TUBGCP3: variants seen among roughly 807,000 people sequenced by gnomAD.
TUBGCP3 encodes tubulin gamma complex component 3, also known as gamma-tubulin complex component 3.
Under a neutral mutation model 123.1 loss-of-function variants are expected in TUBGCP3, and 50 were observed. The ratio of observed to expected loss-of-function variants is 0.41; its 90% confidence interval spans 0.32 to 0.51. TUBGCP3 has a LOEUF of 0.51. Ranked by LOEUF, TUBGCP3 falls within the 20% of genes least tolerant of loss-of-function variation. The pLI is 0.36. For missense variants in TUBGCP3, 882 were observed against 1,127.0 expected (o/e 0.78, Z 3.11); for synonymous variants, 405 against 413.9 (o/e 0.98, Z 0.26).
chr13:112,504,773 T>C, intron 17 of TUBGCP3, 59 bp from the exon 18 acceptor site: 1 of 1,357,174 alleles, frequency 7.4e-7, no homozygotes, highest in Non-Finnish European at 1.0e-6. Context: ...GACAACGCGC[T>C]GTTCTCCCTT....
At chr13:112,498,700 C>A in intron 20 of TUBGCP3, 2 of 1,406,538 alleles carry the variant, frequency 1.4e-6, no homozygotes, top group African/African-American at 1.4e-5. Flanking sequence ...GCACGATCCA[C>A]AAGCTTCAAA....
chr13:112,529,044 G>C (rs1019690367), intron 11 of TUBGCP3, among the ~76,000 whole-genome samples: 1 of 151,716 alleles, frequency 6.6e-6, no homozygotes, highest in African/African-American at 2.4e-5. Context: ...GTAGAGACAG[G>C]GTTTCACCAT....
At chr13:112,558,693 A>G (rs968858602) in intron 4 of TUBGCP3, among the ~76,000 whole-genome samples, 6 of 152,246 alleles carry the variant, frequency 3.9e-5, no homozygotes, top group African/African-American at 1.4e-4. Context: ...TTTTAAAGTT[A>G]GGCATTATTA....
chr13:112,586,240 C>CA (rs200394126), intron 1 of TUBGCP3, among the ~76,000 whole-genome samples: 145 of 113,716 alleles, frequency 1.3e-3, no homozygotes, highest in Admixed American at 2.2e-3. Context: ...GACTCTGTCT[C>CA]AAAAAAAAAA....
intron 1 of TUBGCP3, among the ~76,000 whole-genome samples, chr13:112,580,431 C>G (rs777600731): frequency 6.6e-6 from 1 of 151,442 alleles, no homozygotes; most frequent in Admixed American, 6.6e-5. Flanking sequence ...CAGGAGTTTG[C>G]GACCAGCCTG....
At chr13:112,496,699 A>C (rs1880548031) in intron 20 of TUBGCP3, among the ~76,000 whole-genome samples, 1 of 152,132 alleles carries the variant, frequency 6.6e-6, no homozygotes, top group African/African-American at 2.4e-5. Flanking sequence ...TAAAATCCGA[A>C]GGAGTGGCCG....
chr13:112,492,947 G>T (rs1268948298), intron 20 of TUBGCP3, among the ~76,000 whole-genome samples: 1 of 150,488 alleles, frequency 6.6e-6, no homozygotes, highest in Non-Finnish European at 1.5e-5. Flanking sequence ...TGGGAACGGG[G>T]CCTGGTGTGC....
At position 112,583,876 on chromosome 13, in the gene TUBGCP3, A is replaced by G. The variant is rs114812763; in HGVS notation, c.76+4029T>C. Reference sequence around the variant, plus strand: ...ACATACACTAGCCACCCTTGACTCCAGATGCAAGTCAGAGTAACTTATCAC... The same window carrying G: ...ACATACACTAGCCACCCTTGACTCCGGATGCAAGTCAGAGTAACTTATCAC... On this transcript the variant is annotated intron_variant, in intron 1 of 21. Coordinates refer to ENST00000261965, the MANE Select transcript of TUBGCP3 (RefSeq NM_006322.6). 3.2e-3 allele frequency among the ~76,000 whole-genome samples: 488 copies of G among 152,346 alleles called. 1 individual carries two copies. Among genetic ancestry groups the G allele is most frequent in the African/African-American group, 0.011 (450 of 41,594 alleles).
chr13:112,587,826 C>T, intron 1 of TUBGCP3, 79 bp downstream of exon 1: 1 of 1,302,382 alleles, frequency 7.7e-7, no homozygotes, highest in East Asian at 2.9e-5. Context: ...CCTCCAGCCC[C>T]GGAACGTATT....
chr13:112,599,792 T>A, the TUBGCP3 span, among the ~76,000 whole-genome samples: 1 of 152,332 alleles, frequency 6.6e-6, no homozygotes, highest in South Asian at 2.1e-4. Context: ...GTGCTGGGAT[T>A]ACAGGCATGA....
In TUBGCP3 at chr13:112,565,139, G is replaced by A. The variant is rs1201124030; in HGVS notation, c.224C>T (p.Ser75Leu). ...TGAATGAAGTTTTCTGTGGAGTTCT[G>A]AAAATAATGCAGCATCTGCTTCTCT... ...QRREADAALF[S>L]ELHRKLHSQG... The change falls in exon 3 of 22, where the codon TCA becomes TTA. Residue 75 changes from serine (S) to leucine (L), a missense_variant. Ser to Leu is a moderately radical substitution (Grantham distance 145). Coordinates refer to ENST00000261965, the MANE Select transcript of TUBGCP3 (RefSeq NM_006322.6). The A allele has an allele frequency of 6.2e-7, 1 of 1,613,664 alleles. No individual in the cohort carries two copies. The highest frequency in any genetic ancestry group is 1.7e-4 in the Middle Eastern group (1 of 6,058).
At position 112,508,112 on chromosome 13, in the gene TUBGCP3, G is replaced by A. The variant is rs1320477490; in HGVS notation, c.2087-3398C>T. 5.9e-5 allele frequency among the ~76,000 whole-genome samples: 9 copies of A among 152,042 alleles called. No homozygotes were observed. The South Asian group carries it at 1.5e-3, about 25-fold the overall frequency. ...CCCTCACTCCCAGCCTCAGCATCCC[G>A]CAGCCCTGGCCCCACCAGGTTTGCA... is the stretch of plus-strand genomic sequence containing the variant. On this transcript the variant is annotated intron_variant, in intron 17 of 21. Coordinates refer to ENST00000261965, the MANE Select transcript of TUBGCP3 (RefSeq NM_006322.6). The surrounding 1 kb of genome is among the most constrained non-coding windows in gnomAD (Gnocchi z 4.2).
intron 3 of TUBGCP3, among the ~76,000 whole-genome samples, chr13:112,561,259 G>A (rs1880496429): frequency 6.6e-6 from 1 of 152,210 alleles, no homozygotes; most frequent in Non-Finnish European, 1.5e-5. Flanking sequence ...GTGAGTCCCT[G>A]CAAGCCAGCA....
chr13:112,494,510 C>A (rs901664723), intron 20 of TUBGCP3, among the ~76,000 whole-genome samples: 2 of 152,248 alleles, frequency 1.3e-5, no homozygotes, highest in South Asian at 4.1e-4. Flanking sequence ...CCACAGGCCA[C>A]GGAGCAACAG....
intron 20 of TUBGCP3, among the ~76,000 whole-genome samples, chr13:112,496,587 G>A (rs892369480): frequency 3.3e-5 from 5 of 152,196 alleles, no homozygotes; most frequent in African/African-American, 9.7e-5. Flanking sequence ...CTGAATCAGC[G>A]TGGACTTGGC....
the TUBGCP3 span, among the ~76,000 whole-genome samples, chr13:112,601,185 T>TAAAAAA: frequency 1.2e-5 from 1 of 86,494 alleles, no homozygotes; most frequent in African/African-American, 4.8e-5. Flanking sequence ...AGATTCTGTC[T>TAAAAAA]AAAAAAAAAA....
intron 11 of TUBGCP3, among the ~76,000 whole-genome samples, chr13:112,537,377 A>G (rs763903589): frequency 6.6e-6 from 1 of 152,074 alleles, no homozygotes; most frequent in Non-Finnish European, 1.5e-5. Flanking sequence ...GAATCTCATC[A>G]AATGCTTTTT....
chr13:112,518,312 A>C (rs1203254397), intron 16 of TUBGCP3, among the ~76,000 whole-genome samples: 1 of 152,246 alleles, frequency 6.6e-6, no homozygotes, highest in Non-Finnish European at 1.5e-5. Flanking sequence ...ATTCCTTCTC[A>C]ACAGAATACT....
chr13:112,551,983 G>A (rs934785466), intron 8 of TUBGCP3, among the ~76,000 whole-genome samples: 1 of 152,128 alleles, frequency 6.6e-6, no homozygotes, highest in East Asian at 1.9e-4. Context: ...TTGAATGCAC[G>A]GTTCACAACA....
Sources: gnomAD v4.1 joint callset for allele counts (sites outside exome capture counted in the v4.1 genomes callset) on GRCh38, gnomAD v4.1.1 for gene constraint, Gnocchi (gnomAD v3.1) non-coding constraint, MANE v1.5 for transcripts, NCBI Gene and HGNC (gene_info 2026-07-23, HGNC 2026-07-21) for gene names.